Variants in TEX15 observed in about 807,000 individuals in gnomAD.
TEX15 encodes testis-expressed protein 15.
Under a neutral mutation model 237.3 loss-of-function variants are expected in TEX15, and 171 were observed. The observed-to-expected ratio is 0.72, with a 90% CI of 0.64 to 0.82. The LOEUF (loss-of-function observed/expected upper bound fraction) is 0.82. Ranked by LOEUF, TEX15 falls within the 40% of genes least tolerant of loss-of-function variation. TEX15 has a pLI of 0.00. For synonymous variants in TEX15, 1,338 were observed against 1,269.8 expected, an observed-to-expected ratio of 1.05 and a Z score of -1.14; for missense variants, 3,750 against 3,646.5, an observed-to-expected ratio of 1.03 and a Z score of -0.73.
At position 30,858,794 on chromosome 8, in the gene TEX15, C is replaced by T; in HGVS notation, c.724G>A (p.Val242Ile). The change falls in exon 7 of 11, where the codon GTA (valine) becomes ATA (isoleucine). Residue 242 changes from valine to isoleucine, a missense_variant. Val to Ile is a conservative substitution (Grantham distance 29). Transcript: ENST00000643185. ...FYEYSVLSKP[V>I]DKPRQCLPYA... Reference sequence around the variant, plus strand: ...GGAAGACATTGCCTAGGTTTATCTACAGGCTTTGAAAGGACACTGTATTCA... The same window carrying T: ...GGAAGACATTGCCTAGGTTTATCTATAGGCTTTGAAAGGACACTGTATTCA... 3 of 1,535,494 alleles carry T rather than the reference C, an allele frequency of 2.0e-6. No individual in the cohort carries two copies. Among genetic ancestry groups the T allele is most frequent in the South Asian group, 2.4e-5 (2 of 83,942 alleles).
Position 30,837,897 on chromosome 8 carries a change from TC to T in TEX15, c.8386del (p.Glu2796LysfsTer4), listed in dbSNP as rs765188867. ...TGAAACAGTTAAGTCTATTTTGCTT[TC>T]CGACTTTGATGCGCAAGTGTCTTTT... Reference protein sequence around the residue: ...NPKDTCASKSESKIDLTVSSD... With the variant: ...NPKDTCASKSXSKIDLTVSSD... On this transcript the variant is annotated frameshift_variant, in exon 10 of 11. Transcript: ENST00000643185. LOFTEE classifies it high-confidence loss of function. 1 of 1,614,202 alleles carries T rather than the reference TC, an allele frequency of 6.2e-7. No individual in the cohort carries two copies. The highest frequency in any genetic ancestry group is 1.7e-5 in the Admixed American group (1 of 60,026).
rs188305922 is a variant in TEX15 at position 30,845,298 on chromosome 8, T to C, written c.4869A>G (p.Ile1623Met). 1.2e-6 allele frequency: 2 copies of C among 1,613,132 alleles called. No individual in the cohort carries two copies. Among genetic ancestry groups the C allele is most frequent in the Non-Finnish European group, 1.7e-6 (2 of 1,179,456 alleles). Residue 1623 changes from isoleucine (I) to methionine (M), a missense_variant, in exon 8 of 11, where the codon ATA becomes ATG. Physicochemically the swap from Ile to Met is conservative, Grantham distance 10. Coordinates refer to ENST00000643185, the MANE Select transcript of TEX15 (RefSeq NM_001350162.2). ...CTGTACTAGAATTTATGTTTTCTTTTATGCAACTTAAAGATACAGAATTAC... is the reference window on the plus strand; with the variant it reads ...CTGTACTAGAATTTATGTTTTCTTTCATGCAACTTAAAGATACAGAATTAC... ...NESNSVSLSC[I>M]KENINSSTGN...
intron 1 of TEX15, among the ~76,000 whole-genome samples, chr8:30,907,357 C>A (rs1003210510): frequency 2.0e-4 from 31 of 151,536 alleles, no homozygotes; most frequent in Admixed American, 1.5e-3. Context: ...GCTTGAACTC[C>A]TGGGCTCAAG....
intron 4 of TEX15, among the ~76,000 whole-genome samples, chr8:30,871,723 C>T (rs191033849): frequency 3.0e-4 from 45 of 152,218 alleles, no homozygotes; most frequent in African/African-American, 1.0e-3. Flanking sequence ...TTCAATCCAC[C>T]TCACAAGGAG....
At chr8:30,871,469 GA>G (rs1269782214) in intron 4 of TEX15, among the ~76,000 whole-genome samples, 11 of 152,058 alleles carry the variant, frequency 7.2e-5, no homozygotes, top group Admixed American at 2.0e-4. Flanking sequence ...AAGAGAAACA[GA>G]CTTCACCTTC....
rs866887912 is a variant in TEX15 at position 30,831,847 on chromosome 8, T to C, written c.*1439A>G. ...AATGGCTGTTATTCATTTTTGGCTGTTATTCATTTTTGAATACCAGTTAAT... is the reference window on the plus strand; with the variant it reads ...AATGGCTGTTATTCATTTTTGGCTGCTATTCATTTTTGAATACCAGTTAAT... On this transcript the variant is annotated 3_prime_UTR_variant, in exon 11 of 11. Transcript: ENST00000643185. The C allele has an allele frequency of 6.6e-6, 1 of 152,248 alleles. No individual in the cohort carries two copies. The highest frequency in any genetic ancestry group is 6.5e-5 in the Admixed American group (1 of 15,284). 9.4% of individuals were successfully genotyped at this position (152,248 alleles called of 1,614,324 possible).
rs1304817080 is a variant in TEX15, at chr8:30,845,683, C to T, written c.4484G>A (p.Ser1495Asn). The stretch of plus-strand genomic sequence containing the variant: ...GGTGGTGGGGTGACTTTTTGAGACA[C>T]TGCTAGCCATACTTTTCCTAGAAAG... ...KCLSRKSMAS[S>N]VSKSHPTTSH... The change falls in exon 8 of 11, where the codon AGT becomes AAT. Residue 1495 changes from serine to asparagine, a missense_variant. Ser to Asn is a conservative substitution (Grantham distance 46). Coordinates refer to ENST00000643185, the MANE Select transcript of TEX15 (RefSeq NM_001350162.2). 6.2e-7 allele frequency: 1 copy of T among 1,613,580 alleles called. No homozygotes were observed. The highest frequency in any genetic ancestry group is 8.5e-7 in the Non-Finnish European group (1 of 1,179,600).
intron 5 of TEX15, among the ~76,000 whole-genome samples, chr8:30,860,740 G>A (rs1808031634): frequency 1.3e-5 from 2 of 151,698 alleles, no homozygotes; most frequent in Non-Finnish European, 1.5e-5. Flanking sequence ...AGTAGAGATG[G>A]GGTTTTGCCA....
intron 2 of TEX15, among the ~76,000 whole-genome samples, chr8:30,889,954 C>CATATATATATATATATATACGTATATAT: frequency 1.8e-5 from 2 of 110,086 alleles, no homozygotes; most frequent in Non-Finnish European, 3.5e-5. Flanking sequence ...TATATATATA[C>CATATATATATATATATATACGTATATAT]ATATATATAT....
chr8:30,855,730 T>C (rs890238417), intron 7 of TEX15, among the ~76,000 whole-genome samples: 4 of 152,172 alleles, frequency 2.6e-5, no homozygotes, highest in African/African-American at 9.7e-5. Flanking sequence ...GGTGTATCTA[T>C]ACAATGAAAT....
intron 3 of TEX15, among the ~76,000 whole-genome samples, chr8:30,881,612 T>C: frequency 8.4e-6 from 1 of 119,358 alleles, no homozygotes; most frequent in African/African-American, 5.7e-5. Context: ...CATCTTGACT[T>C]TTTATTTTTT....
Position 30,846,161 on chromosome 8 carries a change from A to C in TEX15, c.4006T>G (p.Ser1336Ala), listed in dbSNP as rs753532619. The C allele has an allele frequency of 1.2e-6, 2 of 1,613,496 alleles. No homozygotes were observed. Among genetic ancestry groups the C allele is most frequent in the Non-Finnish European group, 8.5e-7 (1 of 1,179,618 alleles). ...RKRRLTSQDS[S>A]ECFSSLSQGR... is the part of the protein sequence containing the mutation. ...TGGGATAATGAAGAGAAACACTCAGATGAGTCTTGACTGGTTAGCCTCCTC... is the reference window on the plus strand; with the variant it reads ...TGGGATAATGAAGAGAAACACTCAGCTGAGTCTTGACTGGTTAGCCTCCTC... The change falls in exon 8 of 11, where the codon TCT becomes GCT. Residue 1336 changes from serine to alanine, a missense_variant. Ser to Ala is a moderately conservative substitution (Grantham distance 99). Transcript: ENST00000643185.
At chr8:30,861,171 ATG>A (rs1399669472) in intron 5 of TEX15, among the ~76,000 whole-genome samples, 2 of 152,176 alleles carry the variant, frequency 1.3e-5, no homozygotes, top group Non-Finnish European at 2.9e-5. Flanking sequence ...TCAATTAATG[ATG>A]TGAGACAACA....
At chr8:30,884,406 T>C (rs1051865831) in intron 3 of TEX15, among the ~76,000 whole-genome samples, 1 of 152,208 alleles carries the variant, frequency 6.6e-6, no homozygotes, top group East Asian at 1.9e-4. Flanking sequence ...TTGTAAAGAA[T>C]TGGTGTAACT....
rs966370770 is a variant in TEX15, at chr8:30,832,675, T to C, written c.*611A>G. On this transcript the variant is annotated 3_prime_UTR_variant, in exon 11 of 11. Transcript: ENST00000643185. ...GAAATCCAAAAACAAAATAATCTTC[T>C]GGAAATGGCTCTTGTAGAAAAAGGC... 2.0e-5 allele frequency: 3 copies of C among 152,234 alleles called. No individual in the cohort carries two copies. Among genetic ancestry groups the C allele is most frequent in the African/African-American group, 7.2e-5 (3 of 41,474 alleles). The allele number at this position is 152,234 out of a possible 1,614,324, so 9.4% of individuals were successfully genotyped here. A position where few individuals can be genotyped will look rare whatever the true frequency, so the allele number is the denominator to read the frequency against.
intron 2 of TEX15, among the ~76,000 whole-genome samples, chr8:30,896,929 G>A (rs1395151919): frequency 6.6e-6 from 1 of 152,128 alleles, no homozygotes; most frequent in Non-Finnish European, 1.5e-5. Context: ...TGATCAGAGT[G>A]ACCATTTAAA....
At chr8:30,890,330 A>C (rs1012017630) in intron 2 of TEX15, among the ~76,000 whole-genome samples, 2 of 152,162 alleles carry the variant, frequency 1.3e-5, no homozygotes, top group African/African-American at 4.8e-5. Flanking sequence ...AAATTGATTC[A>C]AGAAGAAATA....
rs772674240 is a variant in TEX15 at position 30,845,334 on chromosome 8, T to C, written c.4833A>G (p.Val1611=). 1.4e-5 allele frequency: 22 copies of C among 1,612,590 alleles called. No homozygotes were observed. The highest frequency in any genetic ancestry group is 1.7e-5 in the Non-Finnish European group (20 of 1,179,186). Reference sequence around the variant, plus strand: ...AAGATACAGAATTACTTTCATTTATTACTTCATTAGCGTCACAACTGTTTT... The same window carrying C: ...AAGATACAGAATTACTTTCATTTATCACTTCATTAGCGTCACAACTGTTTT... ...TKENSCDANE[V]INESNSVSLS... The change falls in exon 8 of 11, where the codon GTA becomes GTG. Residue 1611 remains valine, a synonymous_variant. Transcript: ENST00000643185.
rs749704496 is a variant in TEX15 at position 30,836,998 on chromosome 8, AT to A, written c.9285del (p.Gln3095HisfsTer18). On this transcript the variant is annotated frameshift_variant, in exon 10 of 11. Transcript: ENST00000643185. LOFTEE classifies it high-confidence loss of function. ...QGTHSNLLYS[Q>X]YFTYFAGEPQ... ...GGCTCCCCCGCAAAATAAGTAAAATATTGAGAGTACAGAAGATTAGAATGTG... is the reference window on the plus strand; with the variant it reads ...GGCTCCCCCGCAAAATAAGTAAAATATGAGAGTACAGAAGATTAGAATGTG... 4 of 1,614,154 alleles carry A rather than the reference AT, an allele frequency of 2.5e-6. No individual in the cohort carries two copies. The South Asian group carries it at 4.4e-5, about 18-fold the overall frequency.
Sources: allele counts gnomAD v4.1 joint callset (sites outside exome capture counted in the v4.1 genomes callset), GRCh38; gene constraint gnomAD v4.1.1; transcripts MANE v1.5; gene names NCBI Gene and HGNC (gene_info 2026-07-23, HGNC 2026-07-21).